The following TBC1D5 variants were observed in gnomAD, a reference collection of about 807,000 sequenced individuals.
TBC1D5 encodes the protein TBC1 domain family, member 5.
TBC1D5 carries 75 observed loss-of-function variants against 100.3 expected under a neutral mutation model. That is an observed-to-expected ratio of 0.75 (90% CI 0.62 to 0.91). TBC1D5 has a LOEUF of 0.91. Ranked by LOEUF, TBC1D5 falls within the 40% of genes least tolerant of loss-of-function variation. The pLI is 0.00. For missense variants in TBC1D5, 910 were observed against 942.4 expected, an observed-to-expected ratio of 0.97 and a Z score of 0.45; for synonymous variants, 323 against 325.6, an observed-to-expected ratio of 0.99 and a Z score of 0.09.
intron 4 of TBC1D5, among the ~76,000 whole-genome samples, chr3:17,423,491 C>T (rs1023380238): frequency 6.6e-6 from 1 of 152,050 alleles, no homozygotes; most frequent in African/African-American, 2.4e-5. Context: ...AAGCTCCTAA[C>T]TAAATTATTA....
intron 15 of TBC1D5, among the ~76,000 whole-genome samples, chr3:17,285,531 A>T (rs993934702): frequency 3.9e-5 from 6 of 152,008 alleles, no homozygotes; most frequent in Non-Finnish European, 8.8e-5. Context: ...AAGTGCTGGG[A>T]TTACAGGCGT....
At chr3:17,582,887 G>A (rs1286006368) in intron 2 of TBC1D5, among the ~76,000 whole-genome samples, 1 of 152,018 alleles carries the variant, frequency 6.6e-6, no homozygotes, top group Admixed American at 6.6e-5. Context: ...TTTTATTCTG[G>A]GAAAAATATG....
intron 2 of TBC1D5, among the ~76,000 whole-genome samples, chr3:17,544,895 A>G (rs2096399714): frequency 6.6e-6 from 1 of 152,180 alleles, no homozygotes; most frequent in South Asian, 2.1e-4. Context: ...GGTGAAAACT[A>G]CATCACGTGG....
intron 1 of TBC1D5, among the ~76,000 whole-genome samples, chr3:17,675,316 C>T (rs1389922950): frequency 2.6e-5 from 4 of 152,054 alleles, no homozygotes; most frequent in Admixed American, 2.6e-4. Flanking sequence ...TAAGATATGA[C>T]TTAGGAATGT....
chr3:17,495,655 G>C (rs910839916), intron 3 of TBC1D5, among the ~76,000 whole-genome samples: 1 of 152,206 alleles, frequency 6.6e-6, no homozygotes, highest in Admixed American at 6.5e-5. Context: ...AACCACAGGA[G>C]TGGAAAAGCT....
Position 17,177,243 on chromosome 3 carries a change from T to C in TBC1D5, c.1852+7866A>G, listed in dbSNP as rs1047714510. Among the ~76,000 whole-genome samples, 11 of 152,290 alleles carry C rather than the reference T, an allele frequency of 7.2e-5. 1 individual carries two copies. The highest frequency in any genetic ancestry group is 2.0e-4 in the Admixed American group (3 of 15,306). ...ACAGTCTGTACTGAGGCCCTATTAT[T>C]GGAGTGGTGGCATCCTGGCCTGAAG... On this transcript the variant is annotated intron_variant, in intron 19 of 21. Coordinates refer to ENST00000253692, the Ensembl canonical transcript of TBC1D5.
intron 8 of TBC1D5, among the ~76,000 whole-genome samples, chr3:17,392,521 G>A (rs2348364): frequency 0.09 from 13,660 of 151,786 alleles, 1,413 homozygotes; most frequent in African/African-American, 0.25. Flanking sequence ...CTAAACCCCC[G>A]ACCCCGCAAC....
intron 3 of TBC1D5, among the ~76,000 whole-genome samples, chr3:17,482,339 A>G (rs1181185537): frequency 6.6e-6 from 1 of 152,242 alleles, no homozygotes. Flanking sequence ...GTAAACACAG[A>G]GACACTTATT....
At chr3:17,401,137 C>A (rs747820246) in intron 8 of TBC1D5, among the ~76,000 whole-genome samples, 4 of 152,008 alleles carry the variant, frequency 2.6e-5, no homozygotes, top group African/African-American at 4.8e-5. Context: ...GGCCTCCTAG[C>A]TACCTTCTTT....
At chr3:17,729,371 A>G (rs1448507069) in intron 1 of TBC1D5, among the ~76,000 whole-genome samples, 1 of 151,534 alleles carries the variant, frequency 6.6e-6, no homozygotes, top group African/African-American at 2.4e-5. Context: ...AAAAAAACAG[A>G]ACACAAAACT....
intron 2 of TBC1D5, among the ~76,000 whole-genome samples, chr3:17,584,071 AAAG>A (rs2096717634): frequency 6.6e-6 from 1 of 152,236 alleles, no homozygotes; most frequent in Non-Finnish European, 1.5e-5. Context: ...ATGTTAAACG[AAAG>A]AAGCCACCCA....
At chr3:17,614,433 G>T (rs191061919) in intron 2 of TBC1D5, among the ~76,000 whole-genome samples, 106 of 152,308 alleles carry the variant, frequency 7.0e-4, no homozygotes, top group Admixed American at 1.0e-3. Context: ...GAAAGTCATT[G>T]GTAGCTTGAT....
At chr3:17,334,825 G>A (rs1481137463) in intron 13 of TBC1D5, among the ~76,000 whole-genome samples, 2 of 152,082 alleles carry the variant, frequency 1.3e-5, no homozygotes, top group African/African-American at 4.8e-5. Flanking sequence ...GATTCAGCAA[G>A]GTAATTGCAG....
At chr3:17,419,526 T>A (rs2094159042) in intron 4 of TBC1D5, among the ~76,000 whole-genome samples, 1 of 152,174 alleles carries the variant, frequency 6.6e-6, no homozygotes, top group African/African-American at 2.4e-5. Flanking sequence ...AAGAATGCAT[T>A]GCTGAAGAGT....
chr3:17,587,401 A>C (rs1319793581), intron 2 of TBC1D5, among the ~76,000 whole-genome samples: 1 of 152,016 alleles, frequency 6.6e-6, no homozygotes, highest in Non-Finnish European at 1.5e-5. Flanking sequence ...ATATAATGTA[A>C]AACATAATCA....
At chr3:17,565,628 A>C (rs2096588812) in intron 2 of TBC1D5, among the ~76,000 whole-genome samples, 1 of 152,144 alleles carries the variant, frequency 6.6e-6, no homozygotes, top group South Asian at 2.1e-4. Flanking sequence ...CAGATACAAC[A>C]GCACAACCAA....
At chr3:17,325,408 C>T (rs1177038500) in intron 13 of TBC1D5, among the ~76,000 whole-genome samples, 2 of 148,274 alleles carry the variant, frequency 1.3e-5, no homozygotes, top group Admixed American at 6.8e-5. Flanking sequence ...TTGCAACCTT[C>T]ACCTCCTGGG....
intron 2 of TBC1D5, among the ~76,000 whole-genome samples, chr3:17,528,271 G>C (rs1458605524): frequency 6.6e-6 from 1 of 152,136 alleles, no homozygotes; most frequent in Non-Finnish European, 1.5e-5. Context: ...AGGTGATTTC[G>C]CCATCAGGAC....
At chr3:17,707,957 C>A (rs2074342111) in intron 1 of TBC1D5, among the ~76,000 whole-genome samples, 1 of 152,068 alleles carries the variant, frequency 6.6e-6, no homozygotes, top group Non-Finnish European at 1.5e-5. Context: ...GAATTTATAA[C>A]AAATGACATT....
Sources: gnomAD v4.1 joint callset for allele counts (sites outside exome capture counted in the v4.1 genomes callset) on GRCh38, gnomAD v4.1.1 for gene constraint, MANE v1.5 for transcripts, NCBI Gene and HGNC (gene_info 2026-07-23, HGNC 2026-07-21) for gene names.